The following SIPA1L3 variants were observed in gnomAD, a reference collection of about 807,000 sequenced individuals.
SIPA1L3 encodes the protein signal induced proliferation associated 1 like 3.
SIPA1L3 carries 59 observed loss-of-function variants against 150.1 expected under a neutral mutation model. The ratio of observed to expected loss-of-function variants is 0.39; its 90% CI spans 0.32 to 0.49. The LOEUF (loss-of-function observed/expected upper bound fraction) is 0.49. Among genes scored for constraint, SIPA1L3 ranks in the 20% least tolerant of loss-of-function variants. The pLI, the probability that SIPA1L3 is intolerant of heterozygous loss-of-function variation, is 0.86. For missense variants in SIPA1L3, 2,211 were observed against 2,489.5 expected, an observed-to-expected ratio of 0.89 and a Z score of 2.38; for synonymous variants, 1,070 against 1,077.6, an observed-to-expected ratio of 0.99 and a Z score of 0.14.
intron 12 of SIPA1L3, among the ~76,000 whole-genome samples, chr19:38,150,572 G>A (rs1330819901): frequency 3.6e-5 from 4 of 111,768 alleles, no homozygotes; most frequent in African/African-American, 1.3e-4. Flanking sequence ...TTGTTCTGTT[G>A]TCCAGGCTGG....
At chr19:38,029,856 C>CTTTTT (rs35091359) in intron 2 of SIPA1L3, among the ~76,000 whole-genome samples, 1 of 120,880 alleles carries the variant, frequency 8.3e-6, no homozygotes, top group Non-Finnish European at 1.7e-5. Context: ...ACCTCGGCCT[C>CTTTTT]TTTTTTTTTT....
intron 1 of SIPA1L3, among the ~76,000 whole-genome samples, chr19:38,006,156 G>A (rs1967934055): frequency 6.6e-6 from 1 of 152,174 alleles, no homozygotes; most frequent in Non-Finnish European, 1.5e-5. Flanking sequence ...ATCAGTCAAA[G>A]TTTGCTGGTC....
intron 1 of SIPA1L3, among the ~76,000 whole-genome samples, chr19:37,966,933 C>A (rs558749130): frequency 4.6e-5 from 7 of 152,080 alleles, no homozygotes; most frequent in Non-Finnish European, 1.0e-4. Context: ...CTGGGGAATT[C>A]GGTGCAGGTG....
At chr19:38,063,263 G>A (rs561874757) in intron 2 of SIPA1L3, among the ~76,000 whole-genome samples, 4 of 151,196 alleles carry the variant, frequency 2.6e-5, no homozygotes, top group South Asian at 4.2e-4. Flanking sequence ...CACCTGCACC[G>A]CCCCCGCCGG....
intron 1 of SIPA1L3, among the ~76,000 whole-genome samples, chr19:37,913,801 G>A (rs1381494823): frequency 2.0e-5 from 3 of 151,206 alleles, no homozygotes; most frequent in Non-Finnish European, 4.4e-5. Context: ...CAGATCACGA[G>A]GTCAGGAGAT....
At chr19:38,154,735 C>T (rs992290619) in intron 13 of SIPA1L3, among the ~76,000 whole-genome samples, 2 of 151,604 alleles carry the variant, frequency 1.3e-5, no homozygotes, top group East Asian at 1.9e-4. Context: ...CGTGAGCCAC[C>T]GCACCCAGCT....
rs890958738 is a variant in SIPA1L3, at chr19:38,198,652, G to C, written c.4984+120G>C. ...CTCAGGTTCCAGAATCAGGGAGCAG[G>C]GTTCAAGTCCTGCCCCGTCACTTGC... On this transcript the variant is annotated intron_variant, in intron 19 of 21. Transcript: ENST00000222345. 14 of 1,050,490 alleles carry C rather than the reference G, an allele frequency of 1.3e-5. No homozygotes were observed. In the East Asian group the frequency reaches 3.1e-4, roughly 23 times the overall value. 65.1% of individuals were successfully genotyped at this position (1,050,490 alleles called of 1,614,324 possible). A position where few individuals can be genotyped will look rare whatever the true frequency, so the allele number is the denominator to read the frequency against.
intron 15 of SIPA1L3, among the ~76,000 whole-genome samples, chr19:38,172,507 G>A (rs770186593): frequency 4.6e-5 from 7 of 152,162 alleles, no homozygotes; most frequent in Non-Finnish European, 8.8e-5. Flanking sequence ...CAAAAACAGC[G>A]GGTCTCTGGG....
chr19:38,015,759 T>C (rs1244195386), intron 1 of SIPA1L3, among the ~76,000 whole-genome samples: 3 of 148,026 alleles, frequency 2.0e-5, no homozygotes, highest in African/African-American at 5.0e-5. Flanking sequence ...GTGAGAGGTC[T>C]CCATGGTCTT....
intron 1 of SIPA1L3, among the ~76,000 whole-genome samples, chr19:37,954,333 GAC>G (rs1410548840): frequency 1.3e-5 from 2 of 152,124 alleles, no homozygotes; most frequent in African/African-American, 4.8e-5. Flanking sequence ...GTCAGGGAAA[GAC>G]AGGCAAGTCT....
intron 1 of SIPA1L3, among the ~76,000 whole-genome samples, chr19:38,023,487 GC>G (rs1278906188): frequency 6.6e-6 from 1 of 152,224 alleles, no homozygotes; most frequent in Non-Finnish European, 1.5e-5. Flanking sequence ...TCACTTATCA[GC>G]TTTTCTTTGT....
intron 2 of SIPA1L3, among the ~76,000 whole-genome samples, chr19:38,077,963 G>A (rs549954598): frequency 2.0e-5 from 3 of 152,132 alleles, no homozygotes; most frequent in South Asian, 2.1e-4. Context: ...GAGCCACTGC[G>A]CCTGGCCAAT....
In SIPA1L3 at chr19:37,975,936, C is replaced by T. The variant is rs568507572; in HGVS notation, c.-378-53153C>T. 2.0e-5 allele frequency among the ~76,000 whole-genome samples: 3 copies of T among 152,104 alleles called. No individual in the cohort carries two copies. In the South Asian group the frequency reaches 6.2e-4, roughly 32 times the overall value. On this transcript the variant is annotated intron_variant, in intron 1 of 21. Coordinates refer to ENST00000222345, the MANE Select transcript of SIPA1L3 (RefSeq NM_015073.3). ...CCTGGCCAACATGGTGAAACCCCAT[C>T]TCTACTAAAAATAGAAAAATTAGTC...
chr19:38,116,538 A>AG (rs1555788499), intron 8 of SIPA1L3, among the ~76,000 whole-genome samples: 10 of 142,078 alleles, frequency 7.0e-5, no homozygotes, highest in Non-Finnish European at 1.5e-4. Context: ...AAAAAAAAAA[A>AG]AAAGAAAGAA....
At chr19:38,181,327 T>G (rs994240096) in intron 15 of SIPA1L3, among the ~76,000 whole-genome samples, 3 of 152,152 alleles carry the variant, frequency 2.0e-5, no homozygotes, top group African/African-American at 7.2e-5. Context: ...CAAAAGGGAT[T>G]TATTAACTTA....
At chr19:38,016,200 TG>T (rs1968228012) in intron 1 of SIPA1L3, among the ~76,000 whole-genome samples, 1 of 152,246 alleles carries the variant, frequency 6.6e-6, no homozygotes, top group Admixed American at 6.5e-5. Flanking sequence ...TAGCCCCATC[TG>T]GGTTTGTTGC....
At chr19:38,168,472 AAAAAAT>A (rs1394631722) in intron 15 of SIPA1L3, among the ~76,000 whole-genome samples, 2 of 152,100 alleles carry the variant, frequency 1.3e-5, no homozygotes, top group Non-Finnish European at 2.9e-5. Context: ...TCAAAAAAAT[AAAAAAT>A]AAAAATAAAA....
chr19:38,126,427 A>C (rs1242493520), intron 9 of SIPA1L3, among the ~76,000 whole-genome samples: 1 of 152,158 alleles, frequency 6.6e-6, no homozygotes, highest in Non-Finnish European at 1.5e-5. Flanking sequence ...GGCACCCAAC[A>C]CAGATTCATA....
intron 10 of SIPA1L3, among the ~76,000 whole-genome samples, chr19:38,140,008 TAA>T (rs1971534494): frequency 6.6e-6 from 1 of 152,202 alleles, no homozygotes; most frequent in African/African-American, 2.4e-5. Flanking sequence ...CATTGGGGGT[TAA>T]GTTTCCAACA....
Sources: allele counts gnomAD v4.1 joint callset (sites outside exome capture counted in the v4.1 genomes callset), GRCh38; gene constraint gnomAD v4.1.1; transcripts MANE v1.5; gene names NCBI Gene and HGNC (gene_info 2026-07-23, HGNC 2026-07-21).